Variants in RNF216 observed in about 807,000 individuals in gnomAD.
RNF216 encodes the protein E3 ubiquitin-protein ligase RNF216.
A neutral mutation model predicts 110.8 loss-of-function variants in RNF216; 72 were observed. The ratio of observed to expected loss-of-function variants is 0.65; its 90% CI spans 0.54 to 0.79. The LOEUF is 0.79. Ranked by LOEUF, RNF216 falls within the 30% of genes least tolerant of loss-of-function variation. The pLI, the probability that RNF216 is intolerant of heterozygous loss-of-function variation, is 0.00. For synonymous variants in RNF216, 495 were observed against 407.5 expected, an observed-to-expected ratio of 1.21 and a Z score of -2.59; for missense variants, 1,342 against 1,141.2, an observed-to-expected ratio of 1.18 and a Z score of -2.54.
chr7:5,742,762 AT>A (rs1414762591), intron 3 of RNF216, among the ~76,000 whole-genome samples: 1 of 151,490 alleles, frequency 6.6e-6, no homozygotes, highest in Non-Finnish European at 1.5e-5. Context: ...CATCCAGCTA[AT>A]TTTTCTATTT....
chr7:5,707,232 G>A (rs1792351942), intron 13 of RNF216, among the ~76,000 whole-genome samples: 1 of 152,144 alleles, frequency 6.6e-6, no homozygotes, highest in African/African-American at 2.4e-5. Context: ...GACTGTCTAG[G>A]ATATTTGGGA....
chr7:5,644,635 G>T (rs1011807779), intron 14 of RNF216, among the ~76,000 whole-genome samples: 1 of 151,440 alleles, frequency 6.6e-6, no homozygotes, highest in African/African-American at 2.4e-5. Flanking sequence ...CTCCTGAGTA[G>T]CTGGAAATAC....
intron 13 of RNF216, among the ~76,000 whole-genome samples, chr7:5,693,712 T>G (rs1791466724): frequency 6.6e-6 from 1 of 152,100 alleles, no homozygotes; most frequent in African/African-American, 2.4e-5. Flanking sequence ...TCCCTGTGCT[T>G]GTGTTGTTCT....
chr7:5,718,661 G>A (rs1017116574), intron 9 of RNF216, among the ~76,000 whole-genome samples: 6 of 150,802 alleles, frequency 4.0e-5, no homozygotes, highest in Non-Finnish European at 8.8e-5. Flanking sequence ...AGCAATTCTC[G>A]TGCCTCATCC....
chr7:5,711,770 G>A lies in RNF216; in HGVS notation c.2052C>T (p.His684=), dbSNP rs372395928. ...AAATGTGCCTCCCTACCTTTCGGCAGTGAGGATTAGGACAGCTGAACCTCT... is the reference window on the plus strand; with the variant it reads ...AAATGTGCCTCCCTACCTTTCGGCAATGAGGATTAGGACAGCTGAACCTCT... The part of the protein sequence containing the change: ...DVKRFSCPNP[H]CRKETCRKCQ... The change falls in exon 13 of 17, where the codon CAC becomes CAT. Residue 684 remains histidine, a synonymous_variant. Transcript: ENST00000389902. The A allele has an allele frequency of 7.7e-5, 125 of 1,613,292 alleles. No homozygotes were observed. Among genetic ancestry groups the A allele is most frequent in the Non-Finnish European group, 7.6e-5 (90 of 1,179,714 alleles).
chr7:5,755,352 G>C (rs1448564500), intron 2 of RNF216, among the ~76,000 whole-genome samples: 6 of 152,024 alleles, frequency 3.9e-5, no homozygotes. Flanking sequence ...GCTTTTCAAA[G>C]TATACTTAAA....
Position 5,652,432 on chromosome 7 carries a change from T to G in RNF216, c.2140A>C (p.Ile714Leu). 4 of 1,612,830 alleles carry G rather than the reference T, an allele frequency of 2.5e-6. No homozygotes were observed. Among genetic ancestry groups the G allele is most frequent in the Non-Finnish European group, 3.4e-6 (4 of 1,178,850 alleles). ...TCEELAEKDD[I>L]KYRTSIEEKM... Reference sequence around the variant, plus strand: ...ACTCACATAGAGGTACGGTACTTGATGTCGTCTTTTTCAGCCAGCTCTTCA... The same window carrying G: ...ACTCACATAGAGGTACGGTACTTGAGGTCGTCTTTTTCAGCCAGCTCTTCA... Residue 714 changes from isoleucine (I) to leucine (L), a missense_variant, in exon 14 of 17, where the codon ATC (isoleucine) becomes CTC (leucine). By Grantham distance (5) the Ile-to-Leu change is conservative (BLOSUM62 2). Coordinates refer to ENST00000389902, the MANE Select transcript of RNF216 (RefSeq NM_207111.4).
At chr7:5,674,107 G>A (rs1365194972) in intron 13 of RNF216, among the ~76,000 whole-genome samples, 1 of 151,524 alleles carries the variant, frequency 6.6e-6, no homozygotes, top group Non-Finnish European at 1.5e-5. Context: ...TCGGCTCACT[G>A]CAACCTCCGC....
rs1171378680 is a variant in RNF216 at position 5,680,027 on chromosome 7, T to C, written c.2062-27517A>G. ...GTCCTCTGCTACCAGAATAATCATG[T>C]GACAAGCTAAATCTGATCATTTCAC... On this transcript the variant is annotated intron_variant, in intron 13 of 16. Transcript: ENST00000389902. The surrounding 1 kb of genome is among the most constrained non-coding windows in gnomAD (Gnocchi z 4.3). 6.6e-6 allele frequency among the ~76,000 whole-genome samples: 1 copy of C among 152,174 alleles called. No individual in the cohort carries two copies. Among genetic ancestry groups the C allele is most frequent in the African/African-American group, 2.4e-5 (1 of 41,434 alleles).
intron 1 of RNF216, chr7:5,780,390 A>T (rs1242264059): frequency 2.0e-5 from 3 of 152,060 alleles, no homozygotes; most frequent in Non-Finnish European, 4.4e-5. Flanking sequence ...GGCGCTTCTT[A>T]CTGAAGGGCC....
intron 13 of RNF216, among the ~76,000 whole-genome samples, chr7:5,710,986 T>A (rs1386178654): frequency 3.3e-5 from 5 of 152,248 alleles, no homozygotes; most frequent in African/African-American, 1.2e-4. Context: ...AAAGTTTTGA[T>A]CCATTAGTTT....
At chr7:5,636,654 T>G (rs1216948784) in intron 15 of RNF216, among the ~76,000 whole-genome samples, 1 of 152,214 alleles carries the variant, frequency 6.6e-6, no homozygotes, top group Non-Finnish European at 1.5e-5. Context: ...TCGATCGGTC[T>G]CCTGGTGAGA....
intron 13 of RNF216, among the ~76,000 whole-genome samples, chr7:5,657,249 G>A (rs1190745652): frequency 1.3e-5 from 2 of 152,228 alleles, no homozygotes; most frequent in Non-Finnish European, 2.9e-5. Flanking sequence ...AGAAATTTCA[G>A]CTCTCTGTTC....
chr7:5,687,343 C>A (rs1791048943), intron 13 of RNF216, among the ~76,000 whole-genome samples: 1 of 139,070 alleles, frequency 7.2e-6, no homozygotes, highest in Non-Finnish European at 1.5e-5. Flanking sequence ...TTGCAGTGAG[C>A]TGAGACTGCG....
chr7:5,673,808 T>C (rs943589095), intron 13 of RNF216, among the ~76,000 whole-genome samples: 3 of 151,622 alleles, frequency 2.0e-5, no homozygotes, highest in Admixed American at 6.6e-5. Context: ...ACCCAGGAGT[T>C]TGAGACCAGC....
At chr7:5,719,785 C>T (rs889525361) in intron 9 of RNF216, among the ~76,000 whole-genome samples, 1 of 152,154 alleles carries the variant, frequency 6.6e-6, no homozygotes, top group Non-Finnish European at 1.5e-5. Flanking sequence ...TTTGAATAAT[C>T]ATAGTTTTTC....
intron 13 of RNF216, among the ~76,000 whole-genome samples, chr7:5,660,361 G>A (rs534194422): frequency 1.6e-5 from 2 of 125,108 alleles, no homozygotes; most frequent in East Asian, 2.5e-4. Flanking sequence ...GCGCAATCTC[G>A]GCTCACTGCA....
At chr7:5,712,662 G>T in intron 12 of RNF216, 53 bp downstream of exon 12, 3 of 1,595,548 alleles carry the variant, frequency 1.9e-6, no homozygotes, top group Non-Finnish European at 2.6e-6. Flanking sequence ...TGCCCAGGTA[G>T]TTTTCACAAT....
At chr7:5,661,098 C>T (rs565795308) in intron 13 of RNF216, among the ~76,000 whole-genome samples, 19 of 152,114 alleles carry the variant, frequency 1.2e-4, no homozygotes, top group Non-Finnish European at 2.6e-4. Flanking sequence ...CACCACCATG[C>T]CCGGCTAATT....
Sources: gnomAD v4.1 joint callset for allele counts (sites outside exome capture counted in the v4.1 genomes callset) on GRCh38, gnomAD v4.1.1 for gene constraint, Gnocchi (gnomAD v3.1) non-coding constraint, MANE v1.5 for transcripts, NCBI Gene and HGNC (gene_info 2026-07-23, HGNC 2026-07-21) for gene names.